Variants in NARF observed in about 807,000 individuals in gnomAD.
NARF encodes nuclear prelamin A recognition factor.
Under a neutral mutation model 48.0 loss-of-function variants are expected in NARF, and 41 were observed. That is an observed-to-expected ratio of 0.85 (90% CI 0.66 to 1.11). The LOEUF (loss-of-function observed/expected upper bound fraction) is 1.11. Among genes scored for constraint, NARF ranks in the 50% least tolerant of loss-of-function variants. The pLI is 0.00. For synonymous variants in NARF, 215 were observed against 225.5 expected, an observed-to-expected ratio of 0.95 and a Z score of 0.42; for missense variants, 613 against 590.2, an observed-to-expected ratio of 1.04 and a Z score of -0.40.
chr17:82,487,788 C>CCAAGAG, intron 10 of NARF, 128 bp from the exon 11 acceptor site: 2 of 759,778 alleles, frequency 2.6e-6, no homozygotes, highest in East Asian at 3.4e-5. Flanking sequence ...CCCTCCCGCC[C>CCAAGAG]AATCTCTACA....
intron 5 of NARF, 66 bp downstream of exon 5, chr17:82,472,764 G>A: frequency 6.4e-7 from 1 of 1,552,576 alleles, no homozygotes; most frequent in Non-Finnish European, 8.7e-7. Flanking sequence ...GATTCTGCAG[G>A]CTCTAGATGA....
At position 82,486,462 on chromosome 17, in the gene NARF, G is replaced by T. The variant is rs59902132; in HGVS notation, c.1129+808G>T. ...AGCCACAGGATGGGAGGGGCCCTTG[G>T]GCAGGGCACAGACAAGGGTGTGTCC... On this transcript the variant is annotated intron_variant, in intron 10 of 10. Transcript: ENST00000309794. 2.4e-3 allele frequency among the ~76,000 whole-genome samples: 373 copies of T among 152,306 alleles called. 3 individuals are homozygous for T. The highest frequency in any genetic ancestry group is 8.2e-3 in the African/African-American group (340 of 41,570).
chr17:82,485,530 G>C lies in NARF; in HGVS notation c.1005G>C (p.Lys335Asn). 1 of 1,614,268 alleles carries C rather than the reference G, an allele frequency of 6.2e-7. No individual in the cohort carries two copies. The highest frequency in any genetic ancestry group is 8.5e-7 in the Non-Finnish European group (1 of 1,180,056). Reference sequence around the variant, plus strand: ...ACTTCCAAGAGGTCACCCTTGAGAAGAACGGAGAGGTGGTGTTACGCTTTG... The same window carrying C: ...ACTTCCAAGAGGTCACCCTTGAGAACAACGGAGAGGTGGTGTTACGCTTTG... ...NKDFQEVTLE[K>N]NGEVVLRFAA... Residue 335 changes from lysine to asparagine, a missense_variant, in exon 10 of 11, where the codon AAG becomes AAC. Transcript: ENST00000309794.
rs780868789 is a variant in NARF at position 82,472,640 on chromosome 17, C to T, written c.462C>T (p.Arg154=). 6.2e-7 allele frequency: 1 copy of T among 1,614,072 alleles called. No homozygotes were observed. The highest frequency in any genetic ancestry group is 1.7e-5 in the Admixed American group (1 of 60,016). ...ILESQKEFVR[R]YRQHSEEERT... The stretch of plus-strand genomic sequence containing the variant: ...AGAGTCAAAAAGAATTCGTGCGTCG[C>T]TATCGCCAGCACAGTGAGGAGGAAC... The change falls in exon 5 of 11, where the codon CGC becomes CGT. Residue 154 remains arginine, a synonymous_variant. Transcript: ENST00000309794.
intron 9 of NARF, 50 bp downstream of exon 9, chr17:82,485,000 C>A: frequency 6.5e-7 from 1 of 1,541,894 alleles, no homozygotes; most frequent in Non-Finnish European, 8.7e-7. Context: ...AGCACGTGTG[C>A]ATGGTGTGCC....
intron 7 of NARF, chr17:82,483,496 A>G (rs765638119): frequency 1.9e-5 from 10 of 523,080 alleles, no homozygotes; most frequent in Admixed American, 1.7e-4. Context: ...GGGCAGAAAG[A>G]GGAATGGAAA....
chr17:82,481,866 T>C (rs537554318), intron 7 of NARF: 1 of 352,738 alleles, frequency 2.8e-6, no homozygotes, highest in South Asian at 2.0e-5. Flanking sequence ...GCGGGTCTCC[T>C]AATCACAAAC....
chr17:82,458,495 G>C (rs910348212), upstream of NARF: 3 of 355,088 alleles, frequency 8.4e-6, no homozygotes, highest in Non-Finnish European at 1.5e-5. Flanking sequence ...CAAGGACCCG[G>C]TCCCCCCGGC....
chr17:82,478,928 C>T lies in NARF; in HGVS notation c.639+10C>T, dbSNP rs373056788. ...TTTCGCCAGACAGCAGGTAAGCTGA[C>T]CTCTCTGGAGGGCAGGAAGGGCAGG... On this transcript the variant is annotated intron_variant, in intron 6 of 10. Transcript: ENST00000309794. The T allele has an allele frequency of 4.9e-4, 794 of 1,611,248 alleles. 4 individuals are homozygous for T. The highest frequency in any genetic ancestry group is 2.2e-3 in the Middle Eastern group (13 of 6,044).
At chr17:82,470,799 T>C (rs956046375) in intron 4 of NARF, among the ~76,000 whole-genome samples, 6 of 152,068 alleles carry the variant, frequency 3.9e-5, no homozygotes, top group African/African-American at 1.4e-4. Context: ...CAGCCTAATA[T>C]TTATTATAGC....
At position 82,472,620 on chromosome 17, in the gene NARF, C is replaced by T. The variant is rs1318684222; in HGVS notation, c.442C>T (p.Gln148Ter). ...IAADFSILESQKEFVRRYRQH... is the reference protein window; with the variant it reads ...IAADFSILES Reference sequence around the variant, plus strand: ...TGCGGATTTTAGTATCCTGGAGAGTCAAAAAGAATTCGTGCGTCGCTATCG... The same window carrying T: ...TGCGGATTTTAGTATCCTGGAGAGTTAAAAAGAATTCGTGCGTCGCTATCG... Residue 148 changes from glutamine (Q) to a stop codon, truncating the protein, a stop_gained, in exon 5 of 11, where the codon CAA (glutamine) becomes TAA (stop). Transcript: ENST00000309794. LOFTEE classifies it high-confidence loss of function. The T allele has an allele frequency of 1.2e-6, 2 of 1,613,732 alleles. No homozygotes were observed. The highest frequency in any genetic ancestry group is 1.7e-6 in the Non-Finnish European group (2 of 1,179,878).
chr17:82,468,688 A>G, intron 3 of NARF, 76 bp from the exon 4 acceptor site: 1 of 1,440,692 alleles, frequency 6.9e-7, no homozygotes. Flanking sequence ...GTTGTTCTGA[A>G]TTTCTCATTA....
chr17:82,483,869 T>G, intron 8 of NARF, 90 bp downstream of exon 8: 1 of 1,241,788 alleles, frequency 8.1e-7, no homozygotes, highest in Non-Finnish European at 1.2e-6. Context: ...CTGCCCTGCT[T>G]TATGACGAGG....
chr17:82,474,236 T>C lies in NARF; in HGVS notation c.520+1538T>C, dbSNP rs1009104187. Among the ~76,000 whole-genome samples, 9 of 152,182 alleles carry C rather than the reference T, an allele frequency of 5.9e-5. No homozygotes were observed. In the South Asian group the frequency reaches 1.9e-3, roughly 32 times the overall value. On this transcript the variant is annotated intron_variant, in intron 5 of 10. Transcript: ENST00000309794. ...AACATATCTCAGATGTACAAATAAT[T>C]ATGGAATAATATGGCAAACGTGCAT...
Position 82,488,407 on chromosome 17 carries a change from ACT to A in NARF, c.*253_*254del, listed in dbSNP as rs2044146705. 1 of 440,320 alleles carries A rather than the reference ACT, an allele frequency of 2.3e-6. No individual in the cohort carries two copies. Among genetic ancestry groups the A allele is most frequent in the South Asian group, 2.9e-5 (1 of 34,066 alleles). The allele number at this position is 440,320 out of a possible 1,614,324, so 27.3% of individuals were successfully genotyped here. On this transcript the variant is annotated 3_prime_UTR_variant, in exon 11 of 11. Coordinates refer to ENST00000309794, the MANE Select transcript of NARF (RefSeq NM_012336.4). The stretch of plus-strand genomic sequence containing the variant: ...TTTTTTTTTTTTGAGACGGAGTCTC[ACT>A]CTGTCACCCAGGCTGGAGTGCAATG...
At chr17:82,478,479 G>A in intron 5 of NARF, 1 of 448,978 alleles carries the variant, frequency 2.2e-6, no homozygotes, top group Non-Finnish European at 4.4e-6. Flanking sequence ...TGCAGCCTGG[G>A]CCGCTGCTCC....
At chr17:82,470,100 G>T (rs1245350265) in intron 4 of NARF, among the ~76,000 whole-genome samples, 1 of 152,128 alleles carries the variant, frequency 6.6e-6, no homozygotes, top group Non-Finnish European at 1.5e-5. Context: ...ATATATTGGG[G>T]ATTACTGGTG....
upstream of NARF, chr17:82,458,728 G>T: frequency 6.9e-7 from 1 of 1,441,862 alleles, no homozygotes; most frequent in South Asian, 1.4e-5. Context: ...GGCCGCGGGC[G>T]GCGGGCAGTG....
upstream of NARF, chr17:82,458,502 C>A: frequency 2.7e-6 from 1 of 365,316 alleles, no homozygotes; most frequent in Non-Finnish European, 4.9e-6. Flanking sequence ...CCGGTCCCCC[C>A]GGCGCCGTAC....
Sources: allele counts gnomAD v4.1 joint callset (sites outside exome capture counted in the v4.1 genomes callset), GRCh38; gene constraint gnomAD v4.1.1; transcripts MANE v1.5; gene names NCBI Gene and HGNC (gene_info 2026-07-23, HGNC 2026-07-21).